Variants in AK5 observed in about 807,000 individuals in gnomAD.
The protein encoded by AK5 is adenylate kinase isoenzyme 5.
AK5 carries 27 observed loss-of-function variants against 69.5 expected under a neutral mutation model. That is an observed-to-expected ratio of 0.39 (90% CI 0.29 to 0.54). The LOEUF (loss-of-function observed/expected upper bound fraction) is 0.54. Among genes scored for constraint, AK5 ranks in the 20% least tolerant of loss-of-function variants. The pLI is 0.71. For synonymous variants in AK5, 260 were observed against 244.4 expected (o/e 1.06, Z -0.60); for missense variants, 531 against 700.4 (o/e 0.76, Z 2.73).
chr1:77,340,273 A>G (rs1661579449), intron 5 of AK5, 104 bp from the exon 6 acceptor site: 2 of 1,181,906 alleles, frequency 1.7e-6, no homozygotes, highest in African/African-American at 3.1e-5. Context: ...TAGAGGGCCA[A>G]ATATATGGCA....
At chr1:77,438,059 T>C (rs1365632621) in intron 8 of AK5, among the ~76,000 whole-genome samples, 3 of 152,122 alleles carry the variant, frequency 2.0e-5, no homozygotes, top group Non-Finnish European at 4.4e-5. Flanking sequence ...GTGTACTGGA[T>C]AGCTTGTTGG....
intron 13 of AK5, among the ~76,000 whole-genome samples, chr1:77,537,875 T>C (rs1437353051): frequency 2.0e-5 from 3 of 152,216 alleles, no homozygotes; most frequent in Non-Finnish European, 2.9e-5. Flanking sequence ...CCATTGCTAG[T>C]TGATCCCAGC....
Position 77,558,690 on chromosome 1 carries a change from T to G in AK5, c.*20T>G, listed in dbSNP as rs1660265677. ...TTCTGAAGGCAAAAATGCATGTTTG[T>G]TAGAATGGAAACAGAAAAACATTAA... On this transcript the variant is annotated 3_prime_UTR_variant, in exon 14 of 14. Coordinates refer to ENST00000354567, the MANE Select transcript of AK5 (RefSeq NM_174858.3). 2.0e-6 allele frequency: 3 copies of G among 1,491,570 alleles called. No homozygotes were observed. Among genetic ancestry groups the G allele is most frequent in the Non-Finnish European group, 2.8e-6 (3 of 1,074,470 alleles). The allele number at this position is 1,491,570 out of a possible 1,614,324, so 92.4% of individuals were successfully genotyped here. A position where few individuals can be genotyped will look rare whatever the true frequency, so the allele number is the denominator to read the frequency against.
chr1:77,540,145 TCAAA>T (rs972427050), intron 13 of AK5, among the ~76,000 whole-genome samples: 17 of 152,298 alleles, frequency 1.1e-4, no homozygotes, highest in East Asian at 5.8e-4. Flanking sequence ...CAGCAAAATT[TCAAA>T]CAAAGATAAT....
In AK5 at chr1:77,412,032, T is replaced by C. The variant is rs1473566609; in HGVS notation, c.982+961T>C. Among the ~76,000 whole-genome samples, 4 of 152,228 alleles carry C rather than the reference T, an allele frequency of 2.6e-5. No individual in the cohort carries two copies. In the East Asian group the frequency reaches 5.8e-4, roughly 22 times the overall value. On this transcript the variant is annotated intron_variant, in intron 7 of 13. Transcript: ENST00000354567. Reference sequence around the variant, plus strand: ...ACTACTGCTGCTCTGAAAAATACTATGACTCTGTGCTTTTCAAGTTAATAT... The same window carrying C: ...ACTACTGCTGCTCTGAAAAATACTACGACTCTGTGCTTTTCAAGTTAATAT...
chr1:77,289,288 C>A (rs1658542699), intron 2 of AK5, among the ~76,000 whole-genome samples: 2 of 152,160 alleles, frequency 1.3e-5, no homozygotes, highest in Admixed American at 1.3e-4. Context: ...GCTGCTGCAG[C>A]ACACCACTTA....
chr1:77,352,116 G>T (rs888067960), intron 6 of AK5, among the ~76,000 whole-genome samples: 8 of 151,762 alleles, frequency 5.3e-5, no homozygotes, highest in Non-Finnish European at 8.8e-5. Context: ...TTTTAGTAGA[G>T]ACTGGGTTTC....
intron 5 of AK5, among the ~76,000 whole-genome samples, chr1:77,306,448 G>T (rs557038246): frequency 1.4e-4 from 20 of 145,590 alleles, no homozygotes; most frequent in African/African-American, 4.8e-4. Flanking sequence ...TATGATGAAT[G>T]ATCTTTCTAA....
chr1:77,478,352 T>G (rs750768794), intron 8 of AK5, among the ~76,000 whole-genome samples: 5 of 152,214 alleles, frequency 3.3e-5, no homozygotes, highest in Non-Finnish European at 7.3e-5. Context: ...TGGGAAATGA[T>G]TGAATCATGG....
chr1:77,539,309 T>C (rs1659148497), intron 13 of AK5, among the ~76,000 whole-genome samples: 1 of 152,220 alleles, frequency 6.6e-6, no homozygotes, highest in East Asian at 1.9e-4. Flanking sequence ...TCTCTTCAAC[T>C]TCCCCTGCAT....
intron 7 of AK5, 31 bp downstream of exon 7, chr1:77,411,102 C>T (rs372686768): frequency 4.4e-5 from 70 of 1,574,208 alleles, no homozygotes; most frequent in South Asian, 1.6e-4. Context: ...GACAACAGTA[C>T]GCCGTGATCA....
intron 6 of AK5, among the ~76,000 whole-genome samples, chr1:77,390,661 A>C (rs912962478): frequency 6.6e-6 from 1 of 152,262 alleles, no homozygotes; most frequent in Non-Finnish European, 1.5e-5. Flanking sequence ...ATTTTATTTC[A>C]ACTTTGGAAG....
chr1:77,521,078 A>G (rs1397025377), intron 11 of AK5, among the ~76,000 whole-genome samples: 1 of 152,260 alleles, frequency 6.6e-6, no homozygotes, highest in Non-Finnish European at 1.5e-5. Flanking sequence ...AAAGTCTTTT[A>G]AGTCAGTAGA....
At chr1:77,488,754 A>G (rs1164275543) in intron 10 of AK5, among the ~76,000 whole-genome samples, 2 of 152,120 alleles carry the variant, frequency 1.3e-5, no homozygotes, top group Non-Finnish European at 1.5e-5. Context: ...TGCCTGCTTT[A>G]TATTTGCTGG....
chr1:77,368,511 C>A (rs78428819), intron 6 of AK5, among the ~76,000 whole-genome samples: 1 of 151,138 alleles, frequency 6.6e-6, no homozygotes, highest in African/African-American at 2.4e-5. Context: ...GGACAATCTG[C>A]GGTTGTTGGC....
intron 1 of AK5, among the ~76,000 whole-genome samples, chr1:77,284,119 G>A (rs1356230013): frequency 2.0e-5 from 3 of 152,110 alleles, no homozygotes; most frequent in African/African-American, 4.8e-5. Flanking sequence ...AACTTGCTTG[G>A]GTGAAATACA....
chr1:77,393,765 A>G (rs1209654682), intron 6 of AK5, among the ~76,000 whole-genome samples: 1 of 152,198 alleles, frequency 6.6e-6, no homozygotes, highest in Non-Finnish European at 1.5e-5. Flanking sequence ...ACTCCTCCAG[A>G]GTCACATAGC....
chr1:77,369,212 C>G (rs1443000048), intron 6 of AK5, among the ~76,000 whole-genome samples: 1 of 152,108 alleles, frequency 6.6e-6, no homozygotes, highest in Admixed American at 6.5e-5. Flanking sequence ...GGCTAAATAA[C>G]CTTTCTAAAA....
At chr1:77,525,557 T>TC (rs1658226678) in intron 12 of AK5, among the ~76,000 whole-genome samples, 1 of 152,070 alleles carries the variant, frequency 6.6e-6, no homozygotes. Flanking sequence ...TTTTCTATAA[T>TC]CACATCTTCC....
Sources: allele counts gnomAD v4.1 joint callset (sites outside exome capture counted in the v4.1 genomes callset), GRCh38; gene constraint gnomAD v4.1.1; transcripts MANE v1.5; gene names NCBI Gene and HGNC (gene_info 2026-07-23, HGNC 2026-07-21).